GMPR: variants seen among roughly 807,000 people sequenced by gnomAD.
GMPR encodes the protein GMP reductase 1.
Under a neutral mutation model 38.4 loss-of-function variants are expected in GMPR, and 31 were observed. That is an observed-to-expected ratio of 0.81 (90% CI 0.61 to 1.09). The LOEUF (loss-of-function observed/expected upper bound fraction) is 1.09, where lower values mean the gene tolerates loss of function less well. Ranked by LOEUF, GMPR falls within the 50% of genes least tolerant of loss-of-function variation. The pLI, the probability that GMPR is intolerant of heterozygous loss-of-function variation, is 0.00. For missense variants in GMPR, 468 were observed against 453.7 expected, an observed-to-expected ratio of 1.03 and a Z score of -0.29; for synonymous variants, 162 against 173.3, an observed-to-expected ratio of 0.93 and a Z score of 0.51.
At chr6:16,273,893 G>A (rs1048012572) in intron 4 of GMPR, among the ~76,000 whole-genome samples, 1 of 141,224 alleles carries the variant, frequency 7.1e-6, no homozygotes, top group Non-Finnish European at 1.5e-5. Context: ...TTGGCTCACT[G>A]CAGCCTCTGC....
At chr6:16,243,848 G>A (rs1403587314) in intron 1 of GMPR, among the ~76,000 whole-genome samples, 1 of 152,200 alleles carries the variant, frequency 6.6e-6, no homozygotes, top group Non-Finnish European at 1.5e-5. Context: ...TGGGCCTCTT[G>A]CCCTGGTGTG....
chr6:16,261,511 G>T (rs1759085259), intron 4 of GMPR, among the ~76,000 whole-genome samples: 2 of 151,974 alleles, frequency 1.3e-5, no homozygotes, highest in Non-Finnish European at 2.9e-5. Context: ...GTGGAGAGAG[G>T]TATTGAGGAT....
intron 7 of GMPR, 37 bp downstream of exon 7, chr6:16,285,872 G>T: frequency 6.4e-7 from 1 of 1,550,628 alleles, no homozygotes; most frequent in Non-Finnish European, 8.8e-7. Flanking sequence ...AGGGAAGGAA[G>T]GAAGGAGGGA....
In GMPR at chr6:16,238,721, C is replaced by G; in HGVS notation, c.28C>G (p.Leu10Val). The change falls in exon 1 of 9, where the codon CTC becomes GTC. Residue 10 changes from leucine (L) to valine (V), a missense_variant. Physicochemically the swap from Leu to Val is conservative, Grantham distance 32. Transcript: ENST00000259727. The stretch of plus-strand genomic sequence containing the variant: ...GCCCCGCATAGATGCGGACCTCAAG[C>G]TCGACTTCAAGGATGTCCTGCTCCG... Reference protein sequence around the residue: MPRIDADLKLDFKDVLLRPK... With the variant: MPRIDADLKVDFKDVLLRPK... 2.1e-6 allele frequency: 3 copies of G among 1,443,428 alleles called. No individual in the cohort carries two copies. Among genetic ancestry groups the G allele is most frequent in the Non-Finnish European group, 2.8e-6 (3 of 1,085,692 alleles). The allele number at this position is 1,443,428 out of a possible 1,614,324, so 89.4% of individuals were successfully genotyped here. A position where few individuals can be genotyped will look rare whatever the true frequency, so the allele number is the denominator to read the frequency against.
At chr6:16,283,576 C>T (rs928835468) in intron 6 of GMPR, among the ~76,000 whole-genome samples, 5 of 152,148 alleles carry the variant, frequency 3.3e-5, no homozygotes, top group East Asian at 1.9e-4. Context: ...GAGCGGATGA[C>T]GCCATAAATA....
intron 2 of GMPR, among the ~76,000 whole-genome samples, chr6:16,249,716 G>A (rs991555230): frequency 6.6e-6 from 1 of 152,224 alleles, no homozygotes; most frequent in African/African-American, 2.4e-5. Flanking sequence ...GACACAAAGC[G>A]GGTCATAAAT....
At chr6:16,290,172 A>G (rs530336694) in intron 7 of GMPR, 6 of 307,414 alleles carry the variant, frequency 2.0e-5, no homozygotes, top group African/African-American at 4.2e-5. Flanking sequence ...AGATCTGAGG[A>G]AGGTGGTCGT....
At chr6:16,290,886 C>G (rs1205094859) in intron 8 of GMPR, among the ~76,000 whole-genome samples, 1 of 152,188 alleles carries the variant, frequency 6.6e-6, no homozygotes, top group African/African-American at 2.4e-5. Context: ...GAAGGGAATA[C>G]TTCAGACCTC....
intron 5 of GMPR, among the ~76,000 whole-genome samples, chr6:16,278,291 T>C (rs955020273): frequency 6.6e-6 from 1 of 151,774 alleles, no homozygotes; most frequent in African/African-American, 2.4e-5. Context: ...CCCCAGGAGG[T>C]TGTGTTTCTC....
chr6:16,262,007 G>C (rs904521247), intron 4 of GMPR, among the ~76,000 whole-genome samples: 10 of 151,912 alleles, frequency 6.6e-5, no homozygotes, highest in African/African-American at 2.4e-4. Flanking sequence ...AAAAGGAGTG[G>C]TTAAAAGAGT....
intron 4 of GMPR, among the ~76,000 whole-genome samples, chr6:16,261,250 CTA>C (rs1759079483): frequency 6.6e-6 from 1 of 151,992 alleles, no homozygotes; most frequent in Non-Finnish European, 1.5e-5. Flanking sequence ...TAATTGGACA[CTA>C]TCAGCAGGGA....
At chr6:16,271,218 G>T (rs1212540287) in intron 4 of GMPR, among the ~76,000 whole-genome samples, 1 of 152,184 alleles carries the variant, frequency 6.6e-6, no homozygotes, top group Non-Finnish European at 1.5e-5. Context: ...GGGCGCAGTG[G>T]CTCATGCCTG....
intron 3 of GMPR, among the ~76,000 whole-genome samples, chr6:16,252,007 G>A (rs1397467093): frequency 6.6e-6 from 1 of 152,156 alleles, no homozygotes; most frequent in Non-Finnish European, 1.5e-5. Flanking sequence ...AATGACTTCA[G>A]GTCGTACTGT....
chr6:16,271,092 G>T (rs889578018), intron 4 of GMPR, among the ~76,000 whole-genome samples: 7 of 152,180 alleles, frequency 4.6e-5, no homozygotes, highest in Non-Finnish European at 8.8e-5. Flanking sequence ...GTACGTCTAT[G>T]GTGAGCTGAC....
Position 16,295,139 on chromosome 6 carries a change from G to A in GMPR, c.991G>A (p.Ala331Thr). ...AAKLKELSRR[A>T]TFIRVTQQHN... ...CAAACTCAAGGAGCTCAGCAGGAGG[G>A]CAACATTCATCCGGGTGACCCAGCA... is the stretch of plus-strand genomic sequence containing the variant. The change falls in exon 9 of 9, where the codon GCA (alanine) becomes ACA (threonine). Residue 331 changes from alanine to threonine, a missense_variant. Physicochemically the swap from Ala to Thr is moderately conservative, Grantham distance 58. Transcript: ENST00000259727. 1 of 1,564,814 alleles carries A rather than the reference G, an allele frequency of 6.4e-7. No individual in the cohort carries two copies. The highest frequency in any genetic ancestry group is 8.6e-7 in the Non-Finnish European group (1 of 1,161,890).
Position 16,278,768 on chromosome 6 carries a change from T to G in GMPR, c.548-16T>G. 6.3e-7 allele frequency: 1 copy of G among 1,579,360 alleles called. No individual in the cohort carries two copies. Among genetic ancestry groups the G allele is most frequent in the Non-Finnish European group, 8.7e-7 (1 of 1,148,194 alleles). ...GTATAACCATCTATTTGGGGACAAC[T>G]TCTTTCTCTGTGCAGGTTCTGTGTG... On this transcript the variant is annotated splice_polypyrimidine_tract_variant and intron_variant, in intron 5 of 8. Transcript: ENST00000259727.
chr6:16,273,780 C>G (rs898736949), intron 4 of GMPR, among the ~76,000 whole-genome samples: 1 of 149,574 alleles, frequency 6.7e-6, no homozygotes, highest in East Asian at 2.0e-4. Flanking sequence ...TGTTTCATTG[C>G]TGACTTTTTG....
At chr6:16,240,561 A>G (rs1382427801) in intron 1 of GMPR, among the ~76,000 whole-genome samples, 2 of 152,246 alleles carry the variant, frequency 1.3e-5, no homozygotes, top group Admixed American at 6.5e-5. Flanking sequence ...GCTTGAGCCC[A>G]GGAGCTGGAG....
chr6:16,243,004 A>G (rs1758679366), intron 1 of GMPR, among the ~76,000 whole-genome samples: 1 of 152,116 alleles, frequency 6.6e-6, no homozygotes, highest in Non-Finnish European at 1.5e-5. Context: ...ATCATCTGCA[A>G]TGACTCTGTT....
Sources: gnomAD v4.1 joint callset for allele counts (sites outside exome capture counted in the v4.1 genomes callset) on GRCh38, gnomAD v4.1.1 for gene constraint, MANE v1.5 for transcripts, NCBI Gene and HGNC (gene_info 2026-07-23, HGNC 2026-07-21) for gene names.